Variants in FAM199X observed in about 807,000 individuals in gnomAD.
FAM199X encodes the protein family with sequence similarity 199, X-linked.
A neutral mutation model predicts 22.9 loss-of-function variants in FAM199X; 4 were observed. The observed-to-expected ratio is 0.17, with a 90% CI of 0.09 to 0.40. FAM199X has a LOEUF of 0.40. Among genes scored for constraint, FAM199X ranks in the 10% least tolerant of loss-of-function variants. The pLI, the probability that FAM199X is intolerant of heterozygous loss-of-function variation, is 1.00. For synonymous variants in FAM199X, 101 were observed against 112.3 expected, an observed-to-expected ratio of 0.90 and a Z score of 0.64; for missense variants, 183 against 306.8, an observed-to-expected ratio of 0.60 and a Z score of 3.01.
intron 1 of FAM199X, among the ~76,000 whole-genome samples, chrX:104,167,799 C>T (rs781988054): frequency 9.1e-6 from 1 of 109,691 alleles, no homozygotes; most frequent in South Asian, 3.9e-4. Flanking sequence ...CAAGCATTTA[C>T]GTGTTAGATC....
chrX:104,188,418 T>C (rs1556379670), intron 5 of FAM199X, 112 bp downstream of exon 5: 1 of 950,997 alleles, frequency 1.1e-6, no homozygotes, highest in African/African-American at 1.9e-5. Flanking sequence ...GCCTGTGGGT[T>C]TTGGTCTTAA....
chrX:104,177,091 A>G (rs782612137), intron 2 of FAM199X, among the ~76,000 whole-genome samples: 8 of 111,613 alleles, frequency 7.2e-5, no homozygotes, highest in Non-Finnish European at 1.9e-5. Context: ...TGTCAACCCC[A>G]AAAGAAATCC....
chrX:104,194,348 A>G lies in FAM199X; in HGVS notation c.*4570A>G, dbSNP rs1324450478. 18 of 111,984 alleles carry G rather than the reference A, an allele frequency of 1.6e-4. No individual in the cohort carries two copies. Among genetic ancestry groups the G allele is most frequent in the Non-Finnish European group, 2.6e-4 (14 of 53,026 alleles). The allele number at this position is 111,984 out of a possible 1,213,427, so 9.2% of individuals were successfully genotyped here. A position where few individuals can be genotyped will look rare whatever the true frequency, so the allele number is the denominator to read the frequency against. On this transcript the variant is annotated 3_prime_UTR_variant, in exon 6 of 6. Transcript: ENST00000493442. ...AAGGGGAGACTTGCTCTAATTATGC[A>G]TATACATTTGACTATGTAAAGGTAG...
In FAM199X at chrX:104,195,093, A is replaced by G. The variant is rs1556381297; in HGVS notation, c.*5315A>G. 9.0e-6 allele frequency: 1 copy of G among 110,758 alleles called. No homozygotes were observed. Among genetic ancestry groups the G allele is most frequent in the African/African-American group, 3.3e-5 (1 of 30,538 alleles). 9.1% of individuals were successfully genotyped at this position (110,758 alleles called of 1,213,427 possible). A position where few individuals can be genotyped will look rare whatever the true frequency, so the allele number is the denominator to read the frequency against. ...AAAGTAGTTCAGTAGTGAAATCTAA[A>G]TGAGTGTGTATGGTTGTAATTAAAA... On this transcript the variant is annotated 3_prime_UTR_variant, in exon 6 of 6. Coordinates refer to ENST00000493442, the MANE Select transcript of FAM199X (RefSeq NM_207318.4).
At chrX:104,164,410 C>G (rs1469472597), upstream of FAM199X, among the ~76,000 whole-genome samples, 1 of 112,082 alleles carries the variant, frequency 8.9e-6, no homozygotes, top group African/African-American at 3.2e-5. Flanking sequence ...AAAATAAACT[C>G]AAATACATGT....
chrX:104,173,569 CAGT>C (rs1556375817), intron 1 of FAM199X, among the ~76,000 whole-genome samples: 2 of 111,207 alleles, frequency 1.8e-5, no homozygotes, highest in Admixed American at 9.6e-5. Context: ...ATTTAAGAAA[CAGT>C]AGATTTAATG....
chrX:104,171,367 CTT>C (rs1337213205), intron 1 of FAM199X, among the ~76,000 whole-genome samples: 4 of 110,789 alleles, frequency 3.6e-5, no homozygotes, highest in Non-Finnish European at 5.7e-5. Context: ...GAGAAAGTCT[CTT>C]TTGAGAGTAA....
At chrX:104,178,315 C>G (rs1921546236) in intron 2 of FAM199X, among the ~76,000 whole-genome samples, 1 of 110,910 alleles carries the variant, frequency 9.0e-6, no homozygotes, top group Non-Finnish European at 1.9e-5. Flanking sequence ...TACAGGCACC[C>G]ACCACCAAAC....
At chrX:104,160,027 G>A in the FAM199X span, among the ~76,000 whole-genome samples, 16 of 112,119 alleles carry the variant, frequency 1.4e-4, no homozygotes, top group African/African-American at 5.2e-4. Context: ...GAGAGCACTC[G>A]CTCTAAATCA....
Position 104,175,788 on chromosome X carries a change from CTCT to C in FAM199X, c.370_372del (p.Ser124del), listed in dbSNP as rs1292967996. ...CTGAGGGGAGTGTCTGCAGTGATGT[CTCT>C]TCTTCTATTAGCACTTACTGGGATT... On this transcript the variant is annotated inframe_deletion, in exon 2 of 6. Coordinates refer to ENST00000493442, the MANE Select transcript of FAM199X (RefSeq NM_207318.4). 5 of 1,211,400 alleles carry C rather than the reference CTCT, an allele frequency of 4.1e-6. No individual in the cohort carries two copies. The highest frequency in any genetic ancestry group is 3.0e-5 in the East Asian group (1 of 33,828).
At position 104,192,996 on chromosome X, in the gene FAM199X, A is replaced by G. The variant is rs1556380792; in HGVS notation, c.*3218A>G. 1 of 111,878 alleles carries G rather than the reference A, an allele frequency of 8.9e-6. No individual in the cohort carries two copies. The highest frequency in any genetic ancestry group is 1.9e-5 in the Non-Finnish European group (1 of 52,980). 9.2% of individuals were successfully genotyped at this position (111,878 alleles called of 1,213,427 possible). ...TTTTAGCCAGAAATATTAGTACACA[A>G]CCAATATAGAAGTCTTGTTTGTTTC... is the stretch of plus-strand genomic sequence containing the variant. On this transcript the variant is annotated 3_prime_UTR_variant, in exon 6 of 6. Transcript: ENST00000493442.
rs1602514364 is a variant in FAM199X, at chrX:104,170,828, G to A, written c.197+3846G>A. On this transcript the variant is annotated intron_variant, in intron 1 of 5. Transcript: ENST00000493442. ...AACCCAACACAATTGGGGTAGCTAG[G>A]AGGAAAGTAGGGAACTTAAGTGGGT... Among the ~76,000 whole-genome samples, 3 of 111,448 alleles carry A rather than the reference G, an allele frequency of 2.7e-5. 1 individual carries two copies. The Admixed American group carries it at 2.9e-4, about 11-fold the overall frequency.
intron 2 of FAM199X, among the ~76,000 whole-genome samples, chrX:104,176,197 T>G (rs1921486689): frequency 8.9e-6 from 1 of 112,264 alleles, no homozygotes; most frequent in Non-Finnish European, 1.9e-5. Flanking sequence ...ATCAGTCACA[T>G]TATGTACCTA....
intron 2 of FAM199X, among the ~76,000 whole-genome samples, chrX:104,182,033 G>A (rs1389261714): frequency 4.3e-5 from 4 of 94,104 alleles, no homozygotes; most frequent in Non-Finnish European, 6.1e-5. Context: ...TGTCGTCCAC[G>A]CTGGAGGTGC....
chrX:104,158,421 G>A, the FAM199X span, among the ~76,000 whole-genome samples: 2 of 111,924 alleles, frequency 1.8e-5, no homozygotes, highest in South Asian at 7.4e-4. Context: ...AAGGTACAGG[G>A]CCTTCACCTC....
intron 1 of FAM199X, among the ~76,000 whole-genome samples, 156 bp downstream of exon 1, chrX:104,167,138 T>C (rs1602512566): frequency 1.3e-5 from 1 of 76,949 alleles, no homozygotes; most frequent in African/African-American, 5.1e-5. Flanking sequence ...CCCCTCCCTA[T>C]TTTCACCCCT....
At chrX:104,169,758 G>A (rs1362183496) in intron 1 of FAM199X, among the ~76,000 whole-genome samples, 1 of 111,812 alleles carries the variant, frequency 8.9e-6, no homozygotes, top group East Asian at 2.8e-4. Context: ...AGTAGAGACA[G>A]GGTTTCACCA....
At chrX:104,182,845 A>G (rs1921697271) in intron 2 of FAM199X, among the ~76,000 whole-genome samples, 1 of 111,540 alleles carries the variant, frequency 9.0e-6, no homozygotes, top group Non-Finnish European at 1.9e-5. Context: ...CCTGTGTGCC[A>G]GGCATGTTAC....
Position 104,189,795 on chromosome X carries a change from A to C in FAM199X, c.*17A>C. The C allele has an allele frequency of 1.7e-6, 2 of 1,204,894 alleles. No homozygotes were observed. Among genetic ancestry groups the C allele is most frequent in the Non-Finnish European group, 2.2e-6 (2 of 891,708 alleles). On this transcript the variant is annotated 3_prime_UTR_variant, in exon 6 of 6. Coordinates refer to ENST00000493442, the MANE Select transcript of FAM199X (RefSeq NM_207318.4). ...TTGATGTAATAAGGGTGAATTTATC[A>C]ACGTTCTTTGTGAGCATTAAAATAC...
Sources: allele counts gnomAD v4.1 joint callset (sites outside exome capture counted in the v4.1 genomes callset), GRCh38; gene constraint gnomAD v4.1.1; transcripts MANE v1.5; gene names NCBI Gene and HGNC (gene_info 2026-07-23, HGNC 2026-07-21).